Variants in MAP2K3 observed in about 807,000 individuals in gnomAD.
MAP2K3 encodes the protein mitogen-activated protein kinase kinase 3, also known as dual specificity mitogen-activated protein kinase kinase 3.
MAP2K3 carries 30 observed loss-of-function variants against 46.4 expected under a neutral mutation model. That is an observed-to-expected ratio of 0.65 (90% confidence interval 0.48 to 0.88). MAP2K3 has a LOEUF of 0.88. Ranked by LOEUF, MAP2K3 falls within the 40% of genes least tolerant of loss-of-function variation. The pLI is 0.00. For missense variants in MAP2K3, 380 were observed against 464.5 expected (o/e 0.82, Z 1.67); for synonymous variants, 189 against 176.3 (o/e 1.07, Z -0.57).
At chr17:21,297,321 A>T (rs1976313325) in intron 1 of MAP2K3, among the ~76,000 whole-genome samples, 1 of 152,308 alleles carries the variant, frequency 6.6e-6, no homozygotes, top group Non-Finnish European at 1.5e-5. Context: ...AAGCCCCAGT[A>T]CCAGCAGCCA....
intron 9 of MAP2K3, among the ~76,000 whole-genome samples, chr17:21,305,437 T>C (rs1246758620): frequency 3.7e-4 from 57 of 152,300 alleles, no homozygotes; most frequent in African/African-American, 1.2e-3. Flanking sequence ...TCCTGGTATG[T>C]AAATCATGCA....
Position 21,305,881 on chromosome 17 carries a change from G to A in MAP2K3, c.774+753G>A, listed in dbSNP as rs1976867836. 2.0e-5 allele frequency among the ~76,000 whole-genome samples: 3 copies of A among 152,302 alleles called. No homozygotes were observed. The South Asian group carries it at 6.2e-4, about 32-fold the overall frequency. On this transcript the variant is annotated intron_variant, in intron 9 of 11. Coordinates refer to ENST00000342679, the MANE Select transcript of MAP2K3 (RefSeq NM_145109.3). ...CAGGCTGGTGGCCTTGGCCAGTTGAGTGGCTTGGGACCAATGGAGTGTCCT... is the reference window on the plus strand; with the variant it reads ...CAGGCTGGTGGCCTTGGCCAGTTGAATGGCTTGGGACCAATGGAGTGTCCT...
intron 6 of MAP2K3, among the ~76,000 whole-genome samples, chr17:21,302,964 T>A (rs1371183867): frequency 6.6e-6 from 1 of 152,300 alleles, no homozygotes; most frequent in Non-Finnish European, 1.5e-5. Flanking sequence ...CCCGGGAGGA[T>A]GAGAGGAGGC....
At chr17:21,304,992 G>A in intron 8 of MAP2K3, 59 bp from the exon 9 acceptor site, 1 of 1,605,884 alleles carries the variant, frequency 6.2e-7, no homozygotes. Flanking sequence ...GGGAGGCAAG[G>A]CCTAGCCATG....
rs771425099 is a variant in MAP2K3 at position 21,296,101 on chromosome 17, C to T, written c.50-2312C>T. On this transcript the variant is annotated intron_variant, in intron 1 of 11. Coordinates refer to ENST00000342679, the MANE Select transcript of MAP2K3 (RefSeq NM_145109.3). The stretch of plus-strand genomic sequence containing the variant: ...ACCTCTGCAGAGAGGCTGGTCATAT[C>T]CATGGTGACCATTTATGGGCCACAA... 1.9e-5 allele frequency: 24 copies of T among 1,289,334 alleles called. No individual in the cohort carries two copies. The African/African-American group carries it at 3.5e-4, about 19-fold the overall frequency. 79.9% of individuals were successfully genotyped at this position (1,289,334 alleles called of 1,614,324 possible). A position where few individuals can be genotyped will look rare whatever the true frequency, so the allele number is the denominator to read the frequency against.
chr17:21,290,177 C>T (rs2051935369), intron 1 of MAP2K3, among the ~76,000 whole-genome samples: 3 of 152,102 alleles, frequency 2.0e-5, no homozygotes, highest in Admixed American at 1.3e-4. Flanking sequence ...CTGTGGATGC[C>T]AGCGGTGTGT....
Position 21,304,418 on chromosome 17 carries a change from C to T in MAP2K3, c.569-8C>T, listed in dbSNP as rs374982158. ...CAGACGTGGCTGAGGCATGTCCCTC[C>T]CTGGCAGATGTGAAGCCCTCCAATG... On this transcript the variant is annotated splice_polypyrimidine_tract_variant and splice_region_variant and intron_variant, in intron 7 of 11. Transcript: ENST00000342679. The T allele has an allele frequency of 3.7e-6, 6 of 1,614,300 alleles. No homozygotes were observed. Among genetic ancestry groups the T allele is most frequent in the Middle Eastern group, 1.6e-4 (1 of 6,062 alleles).
chr17:21,292,461 A>G (rs1975996500), intron 1 of MAP2K3, among the ~76,000 whole-genome samples: 1 of 152,254 alleles, frequency 6.6e-6, no homozygotes, highest in Admixed American at 6.5e-5. Context: ...AGCTCAGACG[A>G]TCCTCCCACC....
intron 9 of MAP2K3, among the ~76,000 whole-genome samples, chr17:21,307,960 A>G (rs1976980593): frequency 6.6e-6 from 1 of 150,748 alleles, no homozygotes; most frequent in East Asian, 2.0e-4. Context: ...CGTTCAGGCA[A>G]TTCTCCTGTC....
At chr17:21,303,148 T>G (rs1418409488) in intron 6 of MAP2K3, 35 bp from the exon 7 acceptor site, 1 of 1,613,850 alleles carries the variant, frequency 6.2e-7, no homozygotes, top group East Asian at 2.2e-5. Context: ...AATAACAGAG[T>G]CCTGTCTCTT....
chr17:21,304,204 G>A (rs1976762043), intron 7 of MAP2K3, among the ~76,000 whole-genome samples: 2 of 152,428 alleles, frequency 1.3e-5, no homozygotes. Flanking sequence ...CGTCCTGGCT[G>A]TTCCCTGAGG....
At position 21,298,936 on chromosome 17, in the gene MAP2K3, A is replaced by C. The variant is rs1976429564; in HGVS notation, c.165+10A>C. The C allele has an allele frequency of 6.2e-7, 1 of 1,614,250 alleles. No homozygotes were observed. On this transcript the variant is annotated intron_variant, in intron 3 of 11. Coordinates refer to ENST00000342679, the MANE Select transcript of MAP2K3 (RefSeq NM_145109.3). Reference sequence around the variant, plus strand: ...CACCATTGGAGACAGAGTAGGTGCCAGCCGCCACCCCTGCAGGGCCTCTCA... The same window carrying C: ...CACCATTGGAGACAGAGTAGGTGCCCGCCGCCACCCCTGCAGGGCCTCTCA...
intron 9 of MAP2K3, among the ~76,000 whole-genome samples, chr17:21,310,440 A>T (rs1977109723): frequency 6.6e-6 from 1 of 152,028 alleles, no homozygotes; most frequent in African/African-American, 2.4e-5. Context: ...CTTCCATTTC[A>T]AATTCTCAGC....
chr17:21,287,997 C>T (rs770391050), intron 1 of MAP2K3: 279 of 1,285,340 alleles, frequency 2.2e-4, no homozygotes, highest in Non-Finnish European at 2.7e-4. Flanking sequence ...ACAGGAAACT[C>T]TCTGTCAGCC....
In MAP2K3 at chr17:21,300,865, T is replaced by A. The variant is rs1976556581; in HGVS notation, c.280-9T>A. ...ACGGCAACCTCTGAATGGCAGTCCT[T>A]CCCTGCAGCGGATCCGGGCCACCGT... On this transcript the variant is annotated splice_polypyrimidine_tract_variant and intron_variant, in intron 4 of 11. Transcript: ENST00000342679. The A allele has an allele frequency of 1.9e-6, 3 of 1,613,970 alleles. No homozygotes were observed. In the South Asian group the frequency reaches 3.3e-5, roughly 18 times the overall value.
chr17:21,297,216 C>T (rs1976306460), intron 1 of MAP2K3, among the ~76,000 whole-genome samples: 2 of 152,310 alleles, frequency 1.3e-5, no homozygotes, highest in African/African-American at 4.8e-5. Context: ...GTCTGTGTTG[C>T]ACCGTGGCCA....
At chr17:21,310,750 C>T (rs922607016) in intron 9 of MAP2K3, among the ~76,000 whole-genome samples, 6 of 152,248 alleles carry the variant, frequency 3.9e-5, no homozygotes, top group Admixed American at 2.6e-4. Context: ...ATGGTGGGGC[C>T]GGCCCCTGGC....
intron 7 of MAP2K3, among the ~76,000 whole-genome samples, chr17:21,303,890 T>C (rs1437114922): frequency 1.3e-5 from 2 of 152,308 alleles, no homozygotes; most frequent in Non-Finnish European, 2.9e-5. Flanking sequence ...CTTCTGGTCC[T>C]TTTTATGTGC....
At chr17:21,297,729 G>T (rs1170037821) in intron 1 of MAP2K3, among the ~76,000 whole-genome samples, 3 of 18,784 alleles carry the variant, frequency 1.6e-4, no homozygotes, top group Non-Finnish European at 3.5e-4. Flanking sequence ...GGACACTGGG[G>T]CCTCTCGCCT....
Sources: gnomAD v4.1 joint callset for allele counts (sites outside exome capture counted in the v4.1 genomes callset) on GRCh38, gnomAD v4.1.1 for gene constraint, MANE v1.5 for transcripts, NCBI Gene and HGNC (gene_info 2026-07-23, HGNC 2026-07-21) for gene names.